Variants in WIPF2 observed in about 807,000 individuals in gnomAD.
WIPF2 encodes the protein WAS/WASL interacting protein family member 2.
WIPF2 carries 23 observed loss-of-function variants against 38.8 expected under a neutral mutation model. The observed-to-expected ratio is 0.59, with a 90% CI of 0.43 to 0.84. The LOEUF is 0.84. WIPF2 is among the 40% of genes least tolerant of loss of function. The probability of loss-of-function intolerance (pLI) is 0.00; values close to 1 mark genes in which losing one functional copy is unlikely to be tolerated. For synonymous variants in WIPF2, 210 were observed against 223.2 expected (o/e 0.94, Z 0.53); for missense variants, 574 against 580.5 (o/e 0.99, Z 0.11).
chr17:40,276,966 T>C (rs1184126209), intron 6 of WIPF2, 117 bp from the exon 7 acceptor site: 10 of 862,074 alleles, frequency 1.2e-5, no homozygotes, highest in Admixed American at 2.3e-5. Flanking sequence ...GGGCAGTAGG[T>C]CCTCACAGTA....
chr17:40,240,317 G>A (rs1180189497), intron 1 of WIPF2, among the ~76,000 whole-genome samples: 3 of 151,678 alleles, frequency 2.0e-5, no homozygotes, highest in African/African-American at 4.8e-5. Flanking sequence ...CACCTGCCTC[G>A]GCCTCCCAAA....
At chr17:40,235,978 A>G (rs2030953562) in intron 1 of WIPF2, among the ~76,000 whole-genome samples, 1 of 146,968 alleles carries the variant, frequency 6.8e-6, no homozygotes, top group South Asian at 2.1e-4. Flanking sequence ...TTTTTTTTTG[A>G]GATGGAGTCT....
chr17:40,240,532 T>G (rs759978614), intron 1 of WIPF2, among the ~76,000 whole-genome samples: 1 of 152,084 alleles, frequency 6.6e-6, no homozygotes, highest in Non-Finnish European at 1.5e-5. Context: ...TTTTTACTTT[T>G]GTGAAGTTAT....
rs949425658 is a variant in WIPF2 at position 40,278,372 on chromosome 17, T to C, written c.*147T>C. 1 of 874,236 alleles carries C rather than the reference T, an allele frequency of 1.1e-6. No homozygotes were observed. Among genetic ancestry groups the C allele is most frequent in the Non-Finnish European group, 1.8e-6 (1 of 563,046 alleles). 54.2% of individuals were successfully genotyped at this position (874,236 alleles called of 1,614,324 possible). A position where few individuals can be genotyped will look rare whatever the true frequency, so the allele number is the denominator to read the frequency against. ...CCTAGACTCCAAATGTCCTCCCAGCTCACCTCCATCTATGCATCTCATCTC... is the reference window on the plus strand; with the variant it reads ...CCTAGACTCCAAATGTCCTCCCAGCCCACCTCCATCTATGCATCTCATCTC... On this transcript the variant is annotated 3_prime_UTR_variant, in exon 8 of 8. Coordinates refer to ENST00000323571, the MANE Select transcript of WIPF2 (RefSeq NM_133264.5).
chr17:40,254,564 C>G (rs935020741), intron 1 of WIPF2, among the ~76,000 whole-genome samples: 1 of 151,922 alleles, frequency 6.6e-6, no homozygotes, highest in Non-Finnish European at 1.5e-5. Flanking sequence ...TACTTGCAGA[C>G]TATAATAGAG....
In WIPF2 at chr17:40,260,585, C is replaced by G. The variant is rs538962143; in HGVS notation, c.114C>G (p.Gly38=). ...GTAGAGATGAGCAGCGGGGTCGAGG[C>G]GCCCTCTTACAGGACATTTGCAAAG... ...KLSRDEQRGR[G]ALLQDICKGT... The change falls in exon 3 of 8, where the codon GGC becomes GGG. Residue 38 remains glycine (G), a synonymous_variant. Coordinates refer to ENST00000323571, the MANE Select transcript of WIPF2 (RefSeq NM_133264.5). 2.6e-4 allele frequency: 413 copies of G among 1,613,820 alleles called. 4 individuals are homozygous for G. In the South Asian group the frequency reaches 4.3e-3, roughly 17 times the overall value.
rs552265882 is a variant in WIPF2, at chr17:40,242,850, C to T, written c.-69-13541C>T. Among the ~76,000 whole-genome samples, 8 of 152,304 alleles carry T rather than the reference C, an allele frequency of 5.3e-5. No homozygotes were observed. The East Asian group carries it at 1.3e-3, about 26-fold the overall frequency. ...CAGTTGACTATTTTCTGTACACGTCCGCCTATCTCCCAGTGCTGTACTTCA... is the reference window on the plus strand; with the variant it reads ...CAGTTGACTATTTTCTGTACACGTCTGCCTATCTCCCAGTGCTGTACTTCA... On this transcript the variant is annotated intron_variant, in intron 1 of 7. Coordinates refer to ENST00000323571, the MANE Select transcript of WIPF2 (RefSeq NM_133264.5).
rs917489570 is a variant in WIPF2, at chr17:40,279,021, C to T, written c.*796C>T. 7 of 152,190 alleles carry T rather than the reference C, an allele frequency of 4.6e-5. No homozygotes were observed. Among genetic ancestry groups the T allele is most frequent in the Admixed American group, 4.6e-4 (7 of 15,264 alleles). 9.4% of individuals were successfully genotyped at this position (152,190 alleles called of 1,614,324 possible). A position where few individuals can be genotyped will look rare whatever the true frequency, so the allele number is the denominator to read the frequency against. ...TGCTAGGCTGAGGGATGTTTTTCCTCCCCCTTACCGCCCATGCCCTTGAAA... is the reference window on the plus strand; with the variant it reads ...TGCTAGGCTGAGGGATGTTTTTCCTTCCCCTTACCGCCCATGCCCTTGAAA... On this transcript the variant is annotated 3_prime_UTR_variant, in exon 8 of 8. Coordinates refer to ENST00000323571, the MANE Select transcript of WIPF2 (RefSeq NM_133264.5).
intron 1 of WIPF2, among the ~76,000 whole-genome samples, chr17:40,220,805 C>T (rs1702212252): frequency 1.4e-5 from 2 of 140,840 alleles, no homozygotes; most frequent in South Asian, 4.5e-4. Flanking sequence ...GATGGAGTCT[C>T]GCTCAGTGGC....
intron 1 of WIPF2, among the ~76,000 whole-genome samples, chr17:40,250,704 A>G (rs2031530379): frequency 6.6e-6 from 1 of 151,978 alleles, no homozygotes; most frequent in Non-Finnish European, 1.5e-5. Context: ...TCAGAAAGGA[A>G]ATACTTAAAA....
chr17:40,243,687 AT>A (rs929061465), intron 1 of WIPF2, among the ~76,000 whole-genome samples: 84 of 142,466 alleles, frequency 5.9e-4, no homozygotes, highest in South Asian at 6.6e-4. Context: ...CTAATTTTGT[AT>A]TTTTTTTTTT....
At chr17:40,222,505 C>T (rs1470038790) in intron 1 of WIPF2, among the ~76,000 whole-genome samples, 1 of 150,826 alleles carries the variant, frequency 6.6e-6, no homozygotes, top group Non-Finnish European at 1.5e-5. Context: ...CGAAACTCCA[C>T]CTCAACAACA....
intron 1 of WIPF2, chr17:40,220,571 G>GTGTATATATATATATATATATATATATA (rs1305155684): frequency 1.2e-5 from 1 of 85,650 alleles, no homozygotes; most frequent in African/African-American, 5.0e-5. Flanking sequence ...ACGTGTGTGT[G>GTGTATATATATATATATATATATATATA]TGTATATATA....
intron 6 of WIPF2, among the ~76,000 whole-genome samples, chr17:40,274,426 A>G (rs1316320944): frequency 6.6e-6 from 1 of 151,652 alleles, no homozygotes; most frequent in Non-Finnish European, 1.5e-5. Context: ...ATTATTTTTT[A>G]TAGAGACTGG....
intron 5 of WIPF2, among the ~76,000 whole-genome samples, chr17:40,265,619 C>T (rs546567576): frequency 1.3e-5 from 2 of 152,090 alleles, no homozygotes; most frequent in East Asian, 3.9e-4. Flanking sequence ...ATTTTGGGGA[C>T]AGCAAGGGGG....
Position 40,264,965 on chromosome 17 carries a change from T to C in WIPF2, c.789T>C (p.Asn263=), listed in dbSNP as rs1340590194. 2.5e-5 allele frequency: 41 copies of C among 1,614,056 alleles called. No individual in the cohort carries two copies. Among genetic ancestry groups the C allele is most frequent in the Non-Finnish European group, 3.1e-5 (37 of 1,179,994 alleles). ...ACCGCCAGCCTCCTGGGGTCCCCAA[T>C]GGACCCTCTAGCCCCACTAATGAGT... ...PPYRQPPGVP[N]GPSSPTNESA... is the part of the protein sequence containing the mutation. Residue 263 remains asparagine (N), a synonymous_variant, in exon 5 of 8, where the codon AAT becomes AAC. Transcript: ENST00000323571.
intron 1 of WIPF2, among the ~76,000 whole-genome samples, chr17:40,252,115 T>G (rs1445732314): frequency 1.3e-5 from 2 of 152,146 alleles, no homozygotes; most frequent in African/African-American, 4.8e-5. Flanking sequence ...TTGAATTGAG[T>G]CTATTTTAGG....
intron 6 of WIPF2, among the ~76,000 whole-genome samples, chr17:40,274,431 G>T (rs2032328695): frequency 6.6e-6 from 1 of 151,110 alleles, no homozygotes; most frequent in South Asian, 2.1e-4. Context: ...TTTTTATAGA[G>T]ACTGGGTCTC....
intron 4 of WIPF2, among the ~76,000 whole-genome samples, chr17:40,264,113 A>G (rs2031999318): frequency 6.6e-6 from 1 of 151,772 alleles, no homozygotes; most frequent in Non-Finnish European, 1.5e-5. Context: ...TGGGCAGATC[A>G]CCTGAGGTTG....
Sources: gnomAD v4.1 joint callset for allele counts (sites outside exome capture counted in the v4.1 genomes callset) on GRCh38, gnomAD v4.1.1 for gene constraint, MANE v1.5 for transcripts, NCBI Gene and HGNC (gene_info 2026-07-23, HGNC 2026-07-21) for gene names.